The following AGBL4 variants were observed in gnomAD, a reference collection of about 807,000 sequenced individuals.
AGBL4 encodes cytosolic carboxypeptidase 6.
In AGBL4, 58 loss-of-function variants were observed where a neutral mutation model predicts 66.4. The ratio of observed to expected loss-of-function variants is 0.87; its 90% CI spans 0.71 to 1.09. The LOEUF (loss-of-function observed/expected upper bound fraction) is 1.09. AGBL4 is among the 50% of genes least tolerant of loss of function. The pLI is 0.00. For synonymous variants in AGBL4, 234 were observed against 222.9 expected, an observed-to-expected ratio of 1.05 and a Z score of -0.44; for missense variants, 579 against 631.0, an observed-to-expected ratio of 0.92 and a Z score of 0.88.
intron 6 of AGBL4, among the ~76,000 whole-genome samples, chr1:48,793,567 G>T (rs974492139): frequency 7.9e-5 from 12 of 152,098 alleles, no homozygotes; most frequent in African/African-American, 2.9e-4. Context: ...AAGGAGATGT[G>T]AATTTATTAA....
intron 4 of AGBL4, among the ~76,000 whole-genome samples, chr1:49,200,052 A>G (rs557991420): frequency 1.1e-4 from 16 of 152,230 alleles, no homozygotes; most frequent in African/African-American, 3.9e-4. Flanking sequence ...AGACATGGTC[A>G]TTTCTGCAGT....
intron 6 of AGBL4, among the ~76,000 whole-genome samples, chr1:48,749,511 G>C (rs892342238): frequency 6.6e-6 from 1 of 152,138 alleles, no homozygotes; most frequent in Non-Finnish European, 1.5e-5. Flanking sequence ...TCAAACTCAG[G>C]GTTGTCAGAT....
intron 9 of AGBL4, among the ~76,000 whole-genome samples, chr1:48,602,638 A>G (rs1645090253): frequency 6.6e-6 from 1 of 152,198 alleles, no homozygotes; most frequent in Non-Finnish European, 1.5e-5. Context: ...GAGGGTGCCA[A>G]CATTCATGCT....
intron 1 of AGBL4, among the ~76,000 whole-genome samples, chr1:49,923,624 C>A (rs1652483611): frequency 6.6e-6 from 1 of 151,542 alleles, no homozygotes; most frequent in Non-Finnish European, 1.5e-5. Flanking sequence ...TAAGAAAAAA[C>A]AAAATAACCC....
chr1:49,689,160 T>C (rs1646840310), intron 3 of AGBL4, among the ~76,000 whole-genome samples: 1 of 152,230 alleles, frequency 6.6e-6, no homozygotes, highest in African/African-American at 2.4e-5. Flanking sequence ...GCCAATGCCC[T>C]GGAGAGTTTC....
intron 4 of AGBL4, among the ~76,000 whole-genome samples, chr1:49,115,221 T>C (rs1401617584): frequency 1.3e-5 from 2 of 152,216 alleles, no homozygotes; most frequent in Admixed American, 6.5e-5. Flanking sequence ...TTGGAGATCA[T>C]TCAGATAACT....
chr1:49,694,703 C>T (rs769185072), intron 3 of AGBL4, among the ~76,000 whole-genome samples: 22 of 152,130 alleles, frequency 1.4e-4, no homozygotes, highest in African/African-American at 4.1e-4. Context: ...TGTATAGCTT[C>T]GACATGTAAT....
intron 6 of AGBL4, among the ~76,000 whole-genome samples, chr1:48,797,260 G>A (rs746342448): frequency 1.3e-5 from 2 of 152,166 alleles, no homozygotes; most frequent in Non-Finnish European, 2.9e-5. Flanking sequence ...GGAACAGGTG[G>A]TTTTTGGTTA....
At position 48,728,098 on chromosome 1, in the gene AGBL4, C is replaced by A. The variant is rs947734971; in HGVS notation, c.635-64857G>T. On this transcript the variant is annotated intron_variant, in intron 6 of 13. Coordinates refer to ENST00000371839, the MANE Select transcript of AGBL4 (RefSeq NM_032785.4). ...ATTAATGGTGAATTCAAGTAAAAAT[C>A]TTTTAAGGAGGGTAAAAGAAAATGT... The A allele has an allele frequency of 4.0e-6, 6 of 1,506,572 alleles. No homozygotes were observed. The Admixed American group carries it at 1.2e-4, about 31-fold the overall frequency. 93.3% of individuals were successfully genotyped at this position (1,506,572 alleles called of 1,614,324 possible).
intron 2 of AGBL4, among the ~76,000 whole-genome samples, chr1:49,714,177 C>G (rs573929499): frequency 2.0e-5 from 3 of 151,992 alleles, no homozygotes; most frequent in South Asian, 4.1e-4. Context: ...AAACTGAATA[C>G]GAATCCAGGT....
intron 2 of AGBL4, among the ~76,000 whole-genome samples, chr1:49,716,160 T>A (rs1174822606): frequency 6.6e-6 from 1 of 152,178 alleles, no homozygotes; most frequent in Non-Finnish European, 1.5e-5. Flanking sequence ...AGTTTCAGTT[T>A]TCTGCATATG....
intron 6 of AGBL4, among the ~76,000 whole-genome samples, chr1:48,803,526 G>A (rs1289990155): frequency 6.6e-6 from 1 of 152,142 alleles, no homozygotes; most frequent in Non-Finnish European, 1.5e-5. Context: ...AAATCCCTCT[G>A]TAAAGAAATA....
chr1:48,602,914 C>A (rs1354950930), intron 9 of AGBL4, among the ~76,000 whole-genome samples: 1 of 152,190 alleles, frequency 6.6e-6, no homozygotes, highest in Non-Finnish European at 1.5e-5. Context: ...GACAAGGGAA[C>A]AGTTTAAATG....
chr1:49,775,847 AG>A (rs1644182342), intron 2 of AGBL4, among the ~76,000 whole-genome samples: 2 of 152,238 alleles, frequency 1.3e-5, no homozygotes, highest in African/African-American at 4.8e-5. Context: ...TGAGGGGAAA[AG>A]TAAAAGATTT....
intron 4 of AGBL4, among the ~76,000 whole-genome samples, chr1:49,140,579 C>G (rs1450100690): frequency 6.6e-6 from 1 of 152,204 alleles, no homozygotes; most frequent in Non-Finnish European, 1.5e-5. Context: ...ATTTTGTCAT[C>G]TAAAAATGCT....
chr1:49,269,025 A>G (rs1217840387), intron 3 of AGBL4: 1 of 152,214 alleles, frequency 6.6e-6, no homozygotes, highest in African/African-American at 2.4e-5. Context: ...AGACCTCAAG[A>G]AGCCTTGTGT....
intron 1 of AGBL4, among the ~76,000 whole-genome samples, chr1:49,976,193 T>C (rs1658538930): frequency 6.6e-6 from 1 of 152,210 alleles, no homozygotes; most frequent in Non-Finnish European, 1.5e-5. Context: ...TTTGTCTTTT[T>C]AATTTTAATT....
chr1:48,539,353 T>C (rs151095833), intron 12 of AGBL4, among the ~76,000 whole-genome samples: 1 of 152,238 alleles, frequency 6.6e-6, no homozygotes, highest in East Asian at 1.9e-4. Flanking sequence ...AACACCCAAA[T>C]TTAGAACAAT....
chr1:48,848,856 G>C (rs1257726053), intron 6 of AGBL4, among the ~76,000 whole-genome samples: 2 of 152,192 alleles, frequency 1.3e-5, no homozygotes, highest in Non-Finnish European at 2.9e-5. Flanking sequence ...GATCCAATTA[G>C]AGTGGCCAGG....
Sources: gnomAD v4.1 joint callset for allele counts (sites outside exome capture counted in the v4.1 genomes callset) on GRCh38, gnomAD v4.1.1 for gene constraint, MANE v1.5 for transcripts, NCBI Gene and HGNC (gene_info 2026-07-23, HGNC 2026-07-21) for gene names.